TMPRSS6: variants seen among roughly 807,000 people sequenced by gnomAD.
TMPRSS6 encodes transmembrane protease serine 6.
A neutral mutation model predicts 101.5 loss-of-function variants in TMPRSS6; 67 were observed. That is an observed-to-expected ratio of 0.66 (90% CI 0.54 to 0.81). TMPRSS6 has a LOEUF of 0.81. Among genes scored for constraint, TMPRSS6 ranks in the 30% least tolerant of loss-of-function variants. The probability of loss-of-function intolerance (pLI) is 0.00; values close to 1 mark genes in which losing one functional copy is unlikely to be tolerated. For missense variants in TMPRSS6, 1,034 were observed against 1,088.7 expected, an observed-to-expected ratio of 0.95 and a Z score of 0.71; for synonymous variants, 453 against 464.9, an observed-to-expected ratio of 0.97 and a Z score of 0.33.
At chr22:37,072,578 T>TA (rs1927147454) in intron 13 of TMPRSS6, among the ~76,000 whole-genome samples, 1 of 90,352 alleles carries the variant, frequency 1.1e-5, no homozygotes, top group African/African-American at 3.9e-5. Flanking sequence ...GATGGATGGA[T>TA]GATGGATGGA....
intron 7 of TMPRSS6, among the ~76,000 whole-genome samples, chr22:37,087,117 A>G (rs1928851442): frequency 6.6e-6 from 1 of 151,984 alleles, no homozygotes; most frequent in African/African-American, 2.4e-5. Context: ...ACCCTCCCAC[A>G]TATGTAGGTG....
In TMPRSS6 at chr22:37,084,762, A is replaced by T; in HGVS notation, c.1051T>A (p.Tyr351Asn). 6.4e-7 allele frequency: 1 copy of T among 1,566,842 alleles called. No individual in the cohort carries two copies. Among genetic ancestry groups the T allele is most frequent in the South Asian group, 1.2e-5 (1 of 85,148 alleles). Residue 351 changes from tyrosine (Y) to asparagine (N), a missense_variant, in exon 9 of 18, where the codon TAC (tyrosine) becomes AAC (asparagine). By Grantham distance (143) the Tyr-to-Asn change is moderately radical (BLOSUM62 -2). Transcript: ENST00000676104. ...VLSTPYFPSYYSPQTHCSWHL... is the reference protein window; with the variant it reads ...VLSTPYFPSYNSPQTHCSWHL... ...CAGGAGCAGTGGGTTTGGGGCGAGT[A>T]GTAGCTGGGGAAGTACGGGGTGCTG...
At chr22:37,078,766 TGAG>T (rs1295133972) in intron 10 of TMPRSS6, among the ~76,000 whole-genome samples, 1 of 64,056 alleles carries the variant, frequency 1.6e-5, no homozygotes, top group South Asian at 4.1e-4. Flanking sequence ...AGAAAGAGAA[TGAG>T]GAGAAGGAGG....
chr22:37,080,768 C>T (rs1006388581), intron 10 of TMPRSS6, among the ~76,000 whole-genome samples: 4 of 152,270 alleles, frequency 2.6e-5, no homozygotes, highest in South Asian at 2.1e-4. Flanking sequence ...CTTCCCAGGC[C>T]GCTCTGGAAC....
chr22:37,107,575 A>G (rs536422923), intron 1 of TMPRSS6, among the ~76,000 whole-genome samples: 19 of 144,618 alleles, frequency 1.3e-4, no homozygotes, highest in African/African-American at 4.2e-4. Context: ...CCCCCTACCC[A>G]GTGAGTTCTC....
Position 37,095,964 on chromosome 22 carries a change from C to T in TMPRSS6, c.531G>A (p.Ser177=), listed in dbSNP as rs191043740. The T allele has an allele frequency of 1.4e-5, 22 of 1,614,178 alleles. No homozygotes were observed. Among genetic ancestry groups the T allele is most frequent in the East Asian group, 6.7e-5 (3 of 44,884 alleles). Residue 177 remains serine (S), a synonymous_variant, in exon 5 of 18, where the codon TCG becomes TCA. Coordinates refer to ENST00000676104, the MANE Select transcript of TMPRSS6 (RefSeq NM_001374504.1). ...ACTCGGCCCTGTAGGGGACGGCAGC[C>T]GAGCTGTTGACTGTGGACAGCAGCT... ...VEELLSTVNS[S]AAVPYRAEYE...
chr22:37,079,433 TGG>T (rs1928085220), intron 10 of TMPRSS6, among the ~76,000 whole-genome samples: 1 of 151,622 alleles, frequency 6.6e-6, no homozygotes, highest in African/African-American at 2.4e-5. Flanking sequence ...GATGGATGGA[TGG>T]ATGGAAGGGT....
chr22:37,084,181 G>A, intron 10 of TMPRSS6, 114 bp downstream of exon 10: 1 of 924,668 alleles, frequency 1.1e-6, no homozygotes, highest in Non-Finnish European at 1.7e-6. Context: ...CGCTCCCCTT[G>A]CTGCCCCTCT....
chr22:37,098,396 T>C lies in TMPRSS6; in HGVS notation c.336+20A>G. 1 of 1,612,590 alleles carries C rather than the reference T, an allele frequency of 6.2e-7. No homozygotes were observed. Among genetic ancestry groups the C allele is most frequent in the Non-Finnish European group, 8.5e-7 (1 of 1,179,250 alleles). ...TCACCCCCATATTCCCTCCCTCTCA[T>C]CCCCCAGATCCTTTCCTACCATCTT... On this transcript the variant is annotated intron_variant, in intron 3 of 17. Coordinates refer to ENST00000676104, the MANE Select transcript of TMPRSS6 (RefSeq NM_001374504.1).
At chr22:37,104,557 C>T (rs896138609) in intron 1 of TMPRSS6, among the ~76,000 whole-genome samples, 3 of 152,232 alleles carry the variant, frequency 2.0e-5, no homozygotes, top group African/African-American at 7.2e-5. Context: ...ACGCAGGTTT[C>T]CCCACAGTAC....
intron 16 of TMPRSS6, chr22:37,068,820 C>A: frequency 2.7e-6 from 2 of 736,362 alleles, no homozygotes; most frequent in South Asian, 3.4e-5. Context: ...GCGTCCCAGA[C>A]CTGCCCCTTT....
rs1926840078 is a variant in TMPRSS6 at position 37,070,949 on chromosome 22, CG to C, written c.1638del (p.Asp547ThrfsTer57). On this transcript the variant is annotated frameshift_variant, in exon 14 of 18. Coordinates refer to ENST00000676104, the MANE Select transcript of TMPRSS6 (RefSeq NM_001374504.1). LOFTEE classifies it high-confidence loss of function. ...TCCTCATCCGAGCCGTCCCTGCAGT[CG>C]GGCCGCCCATCACACTGCGGGTTGG... ...KKPNPQCDGR[P>X]DCRDGSDEEH... is the part of the protein sequence containing the mutation. 1.2e-6 allele frequency: 2 copies of C among 1,613,240 alleles called. No homozygotes were observed. Among genetic ancestry groups the C allele is most frequent in the African/African-American group, 2.7e-5 (2 of 74,916 alleles).
At chr22:37,090,226 T>C (rs1392673269) in intron 6 of TMPRSS6, among the ~76,000 whole-genome samples, 2 of 152,058 alleles carry the variant, frequency 1.3e-5, no homozygotes, top group Non-Finnish European at 2.9e-5. Flanking sequence ...ACAGGGCACG[T>C]GTATCTAGAG....
intron 7 of TMPRSS6, 96 bp downstream of exon 7, chr22:37,089,482 C>T: frequency 8.0e-7 from 1 of 1,254,624 alleles, no homozygotes; most frequent in South Asian, 1.3e-5. Flanking sequence ...AGGTCCTACC[C>T]TCCCTTGTCT....
At chr22:37,066,388 C>T in intron 17 of TMPRSS6, 150 bp from the exon 18 acceptor site, 1 of 912,640 alleles carries the variant, frequency 1.1e-6, no homozygotes. Context: ...CCCTCGCCTG[C>T]TAAATGGAGA....
intron 10 of TMPRSS6, among the ~76,000 whole-genome samples, chr22:37,078,047 T>C (rs1237484189): frequency 6.6e-6 from 1 of 152,208 alleles, no homozygotes; most frequent in Admixed American, 6.5e-5. Context: ...TGGTGTCTGT[T>C]TGTCTATAAA....
At chr22:37,077,388 C>A (rs1436554198) in intron 10 of TMPRSS6, among the ~76,000 whole-genome samples, 1 of 152,198 alleles carries the variant, frequency 6.6e-6, no homozygotes, top group Admixed American at 6.5e-5. Flanking sequence ...CTGGCACCCC[C>A]CTAAGTCTAT....
intron 5 of TMPRSS6, 68 bp from the exon 6 acceptor site, chr22:37,095,660 T>C (rs1433688317): frequency 6.8e-7 from 1 of 1,470,066 alleles, no homozygotes. Context: ...GAAAATACAA[T>C]GAAAATAAAA....
intron 17 of TMPRSS6, 143 bp downstream of exon 17, chr22:37,066,683 T>A: frequency 9.0e-7 from 1 of 1,116,860 alleles, no homozygotes; most frequent in South Asian, 1.3e-5. Context: ...AGTCTCCTCT[T>A]CTGTAAAGTA....
Sources: gnomAD v4.1 joint callset for allele counts (sites outside exome capture counted in the v4.1 genomes callset) on GRCh38, gnomAD v4.1.1 for gene constraint, MANE v1.5 for transcripts, NCBI Gene and HGNC (gene_info 2026-07-23, HGNC 2026-07-21) for gene names.